ERCC5: variants seen among roughly 807,000 people sequenced by gnomAD.
The protein encoded by ERCC5 is ERCC excision repair 5, endonuclease.
A neutral mutation model predicts 105.6 loss-of-function variants in ERCC5; 68 were observed. The observed-to-expected ratio is 0.64, with a 90% CI of 0.53 to 0.79. The LOEUF (loss-of-function observed/expected upper bound fraction) is 0.79. ERCC5 is among the 30% of genes least tolerant of loss of function. The pLI, the probability that ERCC5 is intolerant of heterozygous loss-of-function variation, is 0.00. For synonymous variants in ERCC5, 546 were observed against 526.2 expected (o/e 1.04, Z -0.51); for missense variants, 1,373 against 1,426.7 (o/e 0.96, Z 0.61).
intron 9 of ERCC5, 150 bp from the exon 10 acceptor site, chr13:102,866,112 A>G: frequency 1.4e-6 from 2 of 1,449,382 alleles, no homozygotes; most frequent in Non-Finnish European, 1.9e-6. Flanking sequence ...CTCTAAAGAT[A>G]TTACAGAGTC....
intron 4 of ERCC5, among the ~76,000 whole-genome samples, chr13:102,855,581 A>C (rs1003928911): frequency 2.0e-5 from 3 of 152,182 alleles, no homozygotes; most frequent in Admixed American, 2.0e-4. Context: ...ATAAAACTTT[A>C]ACTCCTTAAT....
intron 11 of ERCC5, 101 bp from the exon 12 acceptor site, chr13:102,868,012 T>C (rs1882902442): frequency 9.2e-7 from 1 of 1,092,678 alleles, no homozygotes; most frequent in South Asian, 1.5e-5. Flanking sequence ...TGGTTGGATA[T>C]AGATATAGAT....
chr13:102,851,977 G>A (rs1882221760), intron 1 of ERCC5, 141 bp from the exon 2 acceptor site: 1 of 958,730 alleles, frequency 1.0e-6, no homozygotes, highest in East Asian at 2.5e-5. Flanking sequence ...GATCCCATGA[G>A]AGCTAAATGT....
intron 5 of ERCC5, 56 bp from the exon 6 acceptor site, chr13:102,858,219 A>G: frequency 6.2e-7 from 1 of 1,609,748 alleles, no homozygotes; most frequent in Non-Finnish European, 8.5e-7. Context: ...TTAATGTTGA[A>G]TAGAACTAAG....
At chr13:102,866,056 T>A (rs915609315) in intron 9 of ERCC5, 145 bp downstream of exon 9, 2 of 1,529,828 alleles carry the variant, frequency 1.3e-6, no homozygotes, top group African/African-American at 2.7e-5. Context: ...TTGTGTAGGT[T>A]ACTGGCTGGG....
At chr13:102,848,679 GA>G (rs1457924813) in intron 1 of ERCC5, among the ~76,000 whole-genome samples, 3 of 152,066 alleles carry the variant, frequency 2.0e-5, no homozygotes, top group Non-Finnish European at 4.4e-5. Flanking sequence ...TCTGTCCGCA[GA>G]AATTTAATTT....
At position 102,875,453 on chromosome 13, in the gene ERCC5, T is replaced by G; in HGVS notation, c.3111T>G (p.Val1037=). The change falls in exon 15 of 15, where the codon GTT becomes GTG. Residue 1037 remains valine, a synonymous_variant. Transcript: ENST00000652225. ...KEAAASEIEA[V]SVAMEKEFEL... is the part of the protein sequence containing the mutation. Reference sequence around the variant, plus strand: ...CAGCAGCCAGCGAAATAGAAGCAGTTTCTGTTGCCATGGAGAAAGAATTTG... The same window carrying G: ...CAGCAGCCAGCGAAATAGAAGCAGTGTCTGTTGCCATGGAGAAAGAATTTG... 6.2e-7 allele frequency: 1 copy of G among 1,614,154 alleles called. No individual in the cohort carries two copies. The highest frequency in any genetic ancestry group is 8.5e-7 in the Non-Finnish European group (1 of 1,180,030).
chr13:102,859,554 T>C (rs1051720774), intron 6 of ERCC5, among the ~76,000 whole-genome samples: 7 of 152,224 alleles, frequency 4.6e-5, no homozygotes, highest in African/African-American at 1.7e-4. Context: ...GTTGAGGAAG[T>C]AGAATTTTGG....
chr13:102,863,637 C>T (rs371377554), intron 8 of ERCC5, among the ~76,000 whole-genome samples: 1 of 152,160 alleles, frequency 6.6e-6, no homozygotes, highest in Non-Finnish European at 1.5e-5. Flanking sequence ...AAAATCAGTA[C>T]TCACCGCAAT....
rs1222898454 is a variant in ERCC5 at position 102,862,881 on chromosome 13, A to G, written c.1732A>G (p.Ile578Val). 1 of 1,614,224 alleles carries G rather than the reference A, an allele frequency of 6.2e-7. No individual in the cohort carries two copies. ...TAAACCGAATTCTGCTTCTGAAGTC[A>G]TTGGCCCTGTCAGTTTGCAAGAAAC... ...KCKPNSASEV[I>V]GPVSLQETSS... The change falls in exon 8 of 15, where the codon ATT (isoleucine) becomes GTT (valine). Residue 578 changes from isoleucine to valine, a missense_variant. Ile to Val is a conservative substitution (Grantham distance 29, BLOSUM62 3). Transcript: ENST00000652225.
intron 7 of ERCC5, 53 bp from the exon 8 acceptor site, chr13:102,861,977 G>A (rs907716215): frequency 1.9e-5 from 30 of 1,598,590 alleles, no homozygotes; most frequent in South Asian, 8.8e-5. Context: ...TACTAGAAGC[G>A]TATTGTCACA....
rs141936898 is a variant in ERCC5, at chr13:102,866,709, G to T, written c.2397G>T (p.Leu799=). ...AGGCGCAGTGCGCCATCCTGGACCT[G>T]ACTGATCAGACTTCCGGAACCATCA... ...EAEAQCAILD[L]TDQTSGTITD... is the part of the protein sequence containing the mutation. The change falls in exon 11 of 15, where the codon CTG becomes CTT. Residue 799 remains leucine, a synonymous_variant. Transcript: ENST00000652225. 1.5e-5 allele frequency: 25 copies of T among 1,614,254 alleles called. No individual in the cohort carries two copies. In the African/African-American group the frequency reaches 2.4e-4, roughly 15 times the overall value.
chr13:102,863,222 G>A, intron 8 of ERCC5, 119 bp downstream of exon 8: 1 of 1,174,074 alleles, frequency 8.5e-7, no homozygotes, highest in East Asian at 2.5e-5. Flanking sequence ...GAGAGACGTA[G>A]AAAGAAAGAT....
rs4150261 is a variant in ERCC5, at chr13:102,851,920, G to A, written c.89-198G>A. ...TGTATGATTTTAAAATGCAGTATGTGAATAGGGGTAACAAGAGTTCAACTA... is the reference window on the plus strand; with the variant it reads ...TGTATGATTTTAAAATGCAGTATGTAAATAGGGGTAACAAGAGTTCAACTA... On this transcript the variant is annotated intron_variant, in intron 1 of 14. Transcript: ENST00000652225. 6.8e-3 allele frequency among the ~76,000 whole-genome samples: 1,034 copies of A among 152,176 alleles called. 8 individuals are homozygous for A. The highest frequency in any genetic ancestry group is 0.012 in the Non-Finnish European group (802 of 68,006).
chr13:102,861,587 A>G lies in ERCC5; in HGVS notation c.753A>G (p.Gln251=), dbSNP rs2140526233. Residue 251 remains glutamine (Q), a synonymous_variant, in exon 7 of 15, where the codon CAA becomes CAG. Coordinates refer to ENST00000652225, the MANE Select transcript of ERCC5 (RefSeq NM_000123.4). ...TGAACCAGCATATAGAACATGTCCA[A>G]AAGGAAATGAATCAGCAACATTCAG... The part of the protein sequence containing the change: ...NYLNQHIEHV[Q]KEMNQQHSGH... 6.2e-7 allele frequency: 1 copy of G among 1,614,160 alleles called. No individual in the cohort carries two copies. Among genetic ancestry groups the G allele is most frequent in the Non-Finnish European group, 8.5e-7 (1 of 1,180,002 alleles).
Position 102,858,291 on chromosome 13 carries a change from A to G in ERCC5, c.545A>G (p.Asn182Ser), listed in dbSNP as rs1437659561. Residue 182 changes from asparagine (N) to serine (S), a missense_variant, in exon 6 of 15, where the codon AAT becomes AGT. Asn to Ser is a conservative substitution (Grantham distance 46). Coordinates refer to ENST00000652225, the MANE Select transcript of ERCC5 (RefSeq NM_000123.4). The part of the protein sequence containing the change: ...KQALQEEFFH[N>S]PQAIDIESED... The stretch of plus-strand genomic sequence containing the variant: ...TCTTTACAGGAAGAGTTCTTTCATA[A>G]TCCTCAAGCGATAGATATTGAGTCT... 3 of 1,614,032 alleles carry G rather than the reference A, an allele frequency of 1.9e-6. No homozygotes were observed. The highest frequency in any genetic ancestry group is 3.3e-5 in the Admixed American group (2 of 60,002).
intron 12 of ERCC5, among the ~76,000 whole-genome samples, chr13:102,871,458 G>A (rs975093962): frequency 2.0e-5 from 3 of 152,058 alleles, no homozygotes; most frequent in Non-Finnish European, 4.4e-5. Context: ...GTAGAATATT[G>A]CCTAGCACAC....
chr13:102,868,384 G>T, intron 12 of ERCC5, 127 bp downstream of exon 12: 1 of 1,299,368 alleles, frequency 7.7e-7, no homozygotes, highest in Non-Finnish European at 1.1e-6. Flanking sequence ...GAAAGCAGCA[G>T]AAAGTATTGG....
chr13:102,846,772 TA>T (rs1445780314), intron 1 of ERCC5, among the ~76,000 whole-genome samples: 5 of 152,242 alleles, frequency 3.3e-5, no homozygotes, highest in African/African-American at 1.2e-4. Context: ...CCATCGCAAA[TA>T]TTTTTGATCC....
Sources: gnomAD v4.1 joint callset for allele counts (sites outside exome capture counted in the v4.1 genomes callset) on GRCh38, gnomAD v4.1.1 for gene constraint, MANE v1.5 for transcripts, NCBI Gene and HGNC (gene_info 2026-07-23, HGNC 2026-07-21) for gene names.